The following SMS variants were observed in gnomAD, a reference collection of about 807,000 sequenced individuals.
The protein encoded by SMS is spermine synthase.
Under a neutral mutation model 33.0 loss-of-function variants are expected in SMS, and 3 were observed. The observed-to-expected ratio is 0.09, with a 90% CI of 0.04 to 0.23. The LOEUF is 0.23. Ranked by LOEUF, SMS falls within the 10% of genes least tolerant of loss-of-function variation. The pLI, the probability that SMS is intolerant of heterozygous loss-of-function variation, is 1.00. For synonymous variants in SMS, 103 were observed against 112.2 expected, an observed-to-expected ratio of 0.92 and a Z score of 0.52; for missense variants, 117 against 288.6, an observed-to-expected ratio of 0.41 and a Z score of 4.31.
intron 7 of SMS, among the ~76,000 whole-genome samples, chrX:21,979,179 AAATT>A (rs1445305176): frequency 3.3e-4 from 22 of 66,949 alleles, no homozygotes; most frequent in Non-Finnish European, 5.1e-4. Context: ...GAATTAAATA[AAATT>A]AATTCTTTTT....
At chrX:21,942,829 CTTTTTTTTT>C (rs772851812) in intron 1 of SMS, among the ~76,000 whole-genome samples, 1 of 81,890 alleles carries the variant, frequency 1.2e-5, no homozygotes, top group African/African-American at 5.2e-5. Flanking sequence ...ATTTTCTTAA[CTTTTTTTTT>C]TTTTTTTTTT....
intron 9 of SMS, among the ~76,000 whole-genome samples, chrX:21,991,874 A>C (rs766070974): frequency 8.9e-6 from 1 of 111,843 alleles, no homozygotes; most frequent in Non-Finnish European, 1.9e-5. Context: ...GCTTAGAAGA[A>C]AGTTGAAGAG....
chrX:21,975,449 C>T (rs1006501351), intron 4 of SMS, among the ~76,000 whole-genome samples: 2 of 111,466 alleles, frequency 1.8e-5, no homozygotes, highest in African/African-American at 3.3e-5. Flanking sequence ...CAGTAATTGC[C>T]GATAGGTGGC....
At chrX:21,983,207 T>G (rs1010093093) in intron 7 of SMS, among the ~76,000 whole-genome samples, 1 of 108,702 alleles carries the variant, frequency 9.2e-6, no homozygotes, top group African/African-American at 3.4e-5. Context: ...GCCCAGCTGA[T>G]TTTTCTTTTT....
At chrX:21,968,050 T>G (rs1386251818) in intron 2 of SMS, among the ~76,000 whole-genome samples, 1 of 112,312 alleles carries the variant, frequency 8.9e-6, no homozygotes. Flanking sequence ...CCCACTAGTT[T>G]GCAGCAGAGG....
At chrX:21,959,472 G>T (rs886415937) in intron 1 of SMS, among the ~76,000 whole-genome samples, 2 of 111,566 alleles carry the variant, frequency 1.8e-5, no homozygotes, top group African/African-American at 3.3e-5. Flanking sequence ...CGCGCTCTTT[G>T]TCATTCTTTT....
At chrX:21,985,490 C>T (rs1353304703) in intron 9 of SMS, among the ~76,000 whole-genome samples, 2 of 111,709 alleles carry the variant, frequency 1.8e-5, no homozygotes, top group African/African-American at 6.5e-5. Context: ...CATCAACATA[C>T]ACTTGATGAC....
intron 1 of SMS, among the ~76,000 whole-genome samples, chrX:21,944,903 A>T (rs770179856): frequency 9.1e-6 from 1 of 110,451 alleles, no homozygotes; most frequent in African/African-American, 3.3e-5. Context: ...GGCTTGAACG[A>T]GGGAGGTGGA....
At chrX:21,993,444 A>G (rs1925888335) in intron 10 of SMS, among the ~76,000 whole-genome samples, 1 of 112,826 alleles carries the variant, frequency 8.9e-6, no homozygotes, top group Non-Finnish European at 1.9e-5. Context: ...TGTGGGCTGT[A>G]GTCTGCAGAT....
chrX:21,952,799 G>A (rs911502663), intron 1 of SMS, among the ~76,000 whole-genome samples: 1 of 109,581 alleles, frequency 9.1e-6, no homozygotes, highest in African/African-American at 3.3e-5. Context: ...CTGAAATGCA[G>A]TGGTGTAATC....
intron 1 of SMS, among the ~76,000 whole-genome samples, chrX:21,945,182 T>C (rs1394592047): frequency 9.0e-6 from 1 of 111,677 alleles, no homozygotes; most frequent in Non-Finnish European, 1.9e-5. Context: ...CTCTGGTACA[T>C]GGTAGATATT....
intron 1 of SMS, among the ~76,000 whole-genome samples, chrX:21,961,932 T>C (rs1923386696): frequency 8.9e-6 from 1 of 112,583 alleles, no homozygotes; most frequent in Non-Finnish European, 1.9e-5. Flanking sequence ...TCCTTCAAAG[T>C]AGTGTGATGA....
chrX:21,953,502 T>G (rs1922757693), intron 1 of SMS, among the ~76,000 whole-genome samples: 1 of 112,395 alleles, frequency 8.9e-6, no homozygotes, highest in Admixed American at 9.4e-5. Context: ...GAGATAAGGC[T>G]CACTAGCCAC....
chrX:21,964,446 T>C (rs1283237897), intron 1 of SMS, among the ~76,000 whole-genome samples: 1 of 111,525 alleles, frequency 9.0e-6, no homozygotes, highest in Non-Finnish European at 1.9e-5. Context: ...ATCCTCACTT[T>C]GGCTAGCCAG....
intron 4 of SMS, among the ~76,000 whole-genome samples, chrX:21,974,061 C>T (rs754276942): frequency 3.6e-5 from 4 of 112,629 alleles, no homozygotes; most frequent in Non-Finnish European, 7.5e-5. Context: ...AAATTAACCT[C>T]AGTTGCAGAG....
intron 7 of SMS, among the ~76,000 whole-genome samples, chrX:21,984,004 A>G (rs936968625): frequency 8.0e-5 from 9 of 112,419 alleles, no homozygotes; most frequent in Non-Finnish European, 1.5e-4. Context: ...TCGTGGATCT[A>G]TGGGCAAGCT....
intron 4 of SMS, among the ~76,000 whole-genome samples, chrX:21,974,259 T>G (rs1057094407): frequency 8.9e-6 from 1 of 112,398 alleles, no homozygotes; most frequent in Non-Finnish European, 1.9e-5. Flanking sequence ...ACTAGGTAAT[T>G]GTTTAACCTT....
intron 1 of SMS, among the ~76,000 whole-genome samples, chrX:21,945,058 T>G (rs1019305369): frequency 1.8e-5 from 2 of 111,957 alleles, no homozygotes; most frequent in African/African-American, 6.5e-5. Flanking sequence ...GGAAGGTCTC[T>G]AACAGGCCAG....
intron 1 of SMS, among the ~76,000 whole-genome samples, chrX:21,961,518 G>A (rs908863509): frequency 1.8e-5 from 2 of 111,419 alleles, no homozygotes; most frequent in African/African-American, 3.3e-5. Context: ...CTGATGCTCC[G>A]GGTCAGAAGA....
Sources: gnomAD v4.1 joint callset for allele counts (sites outside exome capture counted in the v4.1 genomes callset) on GRCh38, gnomAD v4.1.1 for gene constraint, MANE v1.5 for transcripts, NCBI Gene and HGNC (gene_info 2026-07-23, HGNC 2026-07-21) for gene names.